The following CHODL variants were observed in gnomAD, a reference collection of about 807,000 sequenced individuals.
The protein encoded by CHODL is transmembrane protein MT75.
CHODL carries 29 observed loss-of-function variants against 34.5 expected under a neutral mutation model. The observed-to-expected ratio is 0.84, with a 90% CI of 0.63 to 1.15. The LOEUF is 1.15. CHODL is among the 50% of genes most tolerant of loss of function. The pLI is 0.00. For missense variants in CHODL, 332 were observed against 332.5 expected (o/e 1.00, Z 0.01); for synonymous variants, 125 against 116.1 (o/e 1.08, Z -0.49).
chr21:18,138,299 TC>T (rs1240030737), intron 2 of CHODL, among the ~76,000 whole-genome samples: 6 of 152,228 alleles, frequency 3.9e-5, no homozygotes, highest in African/African-American at 1.4e-4. Context: ...TTTCAATGCA[TC>T]TTTAACTTAA....
chr21:18,159,180 C>A (rs2073068012), intron 2 of CHODL, among the ~76,000 whole-genome samples: 1 of 152,154 alleles, frequency 6.6e-6, no homozygotes, highest in African/African-American at 2.4e-5. Context: ...CAATGCAATG[C>A]ACAGGACAAG....
chr21:18,153,116 CCCA>C (rs2072991470), intron 2 of CHODL, among the ~76,000 whole-genome samples: 1 of 152,162 alleles, frequency 6.6e-6, no homozygotes, highest in Admixed American at 6.6e-5. Flanking sequence ...CTTGAAAAAC[CCCA>C]CCTGTTTATT....
rs111758606 is a variant in CHODL, at chr21:18,150,344, A to C, written c.-44-106165A>C. 8.9e-3 allele frequency among the ~76,000 whole-genome samples: 1,346 copies of C among 152,014 alleles called. 17 individuals carry two copies. Among genetic ancestry groups the C allele is most frequent in the Non-Finnish European group, 0.016 (1,112 of 67,974 alleles). ...GGTATAGTGAGGCATGTCTGACCCC[A>C]CTCCCCACTATGGCCTGAACCAGTC... On this transcript the variant is annotated intron_variant, in intron 2 of 6. Coordinates refer to the CHODL transcript ENST00000400127.
At chr21:18,258,281 T>A (rs2074340646) in intron 3 of CHODL, among the ~76,000 whole-genome samples, 1 of 152,188 alleles carries the variant, frequency 6.6e-6, no homozygotes, top group Admixed American at 6.5e-5. Flanking sequence ...GAATCTGTTA[T>A]GCGCTTATGT....
At chr21:18,265,205 ACATATATGTATGTG>A (rs2074439389) in intron 5 of CHODL, among the ~76,000 whole-genome samples, 1 of 148,640 alleles carries the variant, frequency 6.7e-6, no homozygotes, top group African/African-American at 2.5e-5. Flanking sequence ...ACACACACAC[ACATATATGTATGTG>A]TATATATATA....
At chr21:18,018,233 C>A (rs1207870013) in intron 1 of CHODL, among the ~76,000 whole-genome samples, 1 of 152,048 alleles carries the variant, frequency 6.6e-6, no homozygotes, top group Non-Finnish European at 1.5e-5. Context: ...CTTTGGGGGA[C>A]TATTGGGAAG....
At chr21:17,943,633 C>T (rs1035870245) in intron 1 of CHODL, among the ~76,000 whole-genome samples, 1 of 152,156 alleles carries the variant, frequency 6.6e-6, no homozygotes, top group Non-Finnish European at 1.5e-5. Flanking sequence ...ACCGGAACAC[C>T]TGGAAACAAG....
chr21:18,013,635 C>CTTTTTTGTTTTTTTTT (rs2064041001), intron 1 of CHODL, among the ~76,000 whole-genome samples: 1 of 71,896 alleles, frequency 1.4e-5, no homozygotes. Flanking sequence ...GCTGCTGCTG[C>CTTTTTTGTTTTTTTTT]TTTTTTTTTT....
At chr21:18,203,036 C>G (rs1321803366) in intron 2 of CHODL, among the ~76,000 whole-genome samples, 1 of 152,088 alleles carries the variant, frequency 6.6e-6, no homozygotes, top group Non-Finnish European at 1.5e-5. Context: ...AAGAATGATC[C>G]AATTATTAAA....
chr21:18,219,869 C>T (rs2073866115), intron 2 of CHODL, among the ~76,000 whole-genome samples: 2 of 151,980 alleles, frequency 1.3e-5, no homozygotes, highest in Admixed American at 6.6e-5. Flanking sequence ...TATTTTCTCC[C>T]ATTCTGTAAG....
rs375422894 is a variant in CHODL, at chr21:18,123,786, G to A, written c.-45+95815G>A. Reference sequence around the variant, plus strand: ...TGGCATGAAATTTTTTTTGTGCGGGGCGGGTGGCATTCAAACCACAGCCCC... The same window carrying A: ...TGGCATGAAATTTTTTTTGTGCGGGACGGGTGGCATTCAAACCACAGCCCC... On this transcript the variant is annotated intron_variant, in intron 2 of 6. Coordinates refer to the CHODL transcript ENST00000400127. Among the ~76,000 whole-genome samples, 29 of 152,150 alleles carry A rather than the reference G, an allele frequency of 1.9e-4. 1 individual carries two copies. Among genetic ancestry groups the A allele is most frequent in the African/African-American group, 6.7e-4 (28 of 41,538 alleles).
At chr21:18,028,631 G>A (rs1358605702) in intron 2 of CHODL, among the ~76,000 whole-genome samples, 10 of 150,214 alleles carry the variant, frequency 6.7e-5, no homozygotes, top group East Asian at 2.0e-4. Context: ...CCTGGGAGGC[G>A]GAGGTTGCAA....
At chr21:18,181,317 T>A (rs2073378589) in intron 2 of CHODL, among the ~76,000 whole-genome samples, 1 of 152,264 alleles carries the variant, frequency 6.6e-6, no homozygotes, top group Non-Finnish European at 1.5e-5. Flanking sequence ...AGTAGAGTTG[T>A]GCAACCATCA....
chr21:17,928,679 T>C, intron 1 of CHODL, among the ~76,000 whole-genome samples: 1 of 152,154 alleles, frequency 6.6e-6, no homozygotes, highest in South Asian at 2.1e-4. Context: ...AATGAAAGGA[T>C]AGCCATGTTT....
intron 1 of CHODL, among the ~76,000 whole-genome samples, chr21:18,014,461 T>C (rs547613424): frequency 1.3e-5 from 2 of 152,294 alleles, no homozygotes; most frequent in African/African-American, 4.8e-5. Context: ...AAACAATAGA[T>C]ACTATGGACT....
intron 1 of CHODL, among the ~76,000 whole-genome samples, chr21:17,989,810 A>G (rs1161711319): frequency 6.6e-6 from 1 of 152,168 alleles, no homozygotes; most frequent in Non-Finnish European, 1.5e-5. Context: ...ACTAAACAGT[A>G]TTTGTCAAAC....
At chr21:18,250,302 T>C (rs564563342) in intron 1 of CHODL, among the ~76,000 whole-genome samples, 17 of 151,698 alleles carry the variant, frequency 1.1e-4, no homozygotes, top group Middle Eastern at 6.8e-3. Flanking sequence ...CTAATCTCCA[T>C]TGTAAATATT....
At chr21:18,030,626 T>C (rs1266060201) in intron 2 of CHODL, among the ~76,000 whole-genome samples, 1 of 152,152 alleles carries the variant, frequency 6.6e-6, no homozygotes, top group Non-Finnish European at 1.5e-5. Context: ...ATTAGGTTTC[T>C]GTTGGTTGCA....
chr21:17,974,270 GTTTA>G (rs1339505429), intron 1 of CHODL, among the ~76,000 whole-genome samples: 2 of 152,116 alleles, frequency 1.3e-5, no homozygotes, highest in South Asian at 2.1e-4. Flanking sequence ...TTTTTTGTTT[GTTTA>G]TTTATTTATT....
Sources: gnomAD v4.1 joint callset for allele counts (sites outside exome capture counted in the v4.1 genomes callset) on GRCh38, gnomAD v4.1.1 for gene constraint, MANE v1.5 for transcripts, NCBI Gene and HGNC (gene_info 2026-07-23, HGNC 2026-07-21) for gene names.